The following CNTNAP4 variants were observed in gnomAD, a reference collection of about 807,000 sequenced individuals.
The protein encoded by CNTNAP4 is contactin associated protein family member 4, also known as contactin-associated protein-like 4.
In CNTNAP4, 98 loss-of-function variants were observed where a neutral mutation model predicts 148.4. The ratio of observed to expected loss-of-function variants is 0.66; its 90% CI spans 0.56 to 0.78. The LOEUF is 0.78. CNTNAP4 is among the 30% of genes least tolerant of loss of function. The pLI is 0.00. For synonymous variants in CNTNAP4, 730 were observed against 565.1 expected, an observed-to-expected ratio of 1.29 and a Z score of -4.14; for missense variants, 1,935 against 1,565.6, an observed-to-expected ratio of 1.24 and a Z score of -3.98.
At chr16:76,327,005 TGA>T (rs1963058667) in intron 2 of CNTNAP4, among the ~76,000 whole-genome samples, 1 of 152,090 alleles carries the variant, frequency 6.6e-6, no homozygotes, top group Non-Finnish European at 1.5e-5. Context: ...TTCACCCATA[TGA>T]GAGATGGTTA....
At chr16:76,290,647 C>T (rs910627444) in intron 1 of CNTNAP4, among the ~76,000 whole-genome samples, 2 of 152,194 alleles carry the variant, frequency 1.3e-5, no homozygotes, top group Non-Finnish European at 2.9e-5. Context: ...GAAAATCCAA[C>T]TCCTTTCTGC....
intron 2 of CNTNAP4, among the ~76,000 whole-genome samples, chr16:76,325,096 C>G (rs973194411): frequency 5.9e-5 from 9 of 152,276 alleles, no homozygotes; most frequent in South Asian, 2.1e-4. Context: ...CTGACATTTT[C>G]TGCACCAAAT....
chr16:76,409,542 C>T (rs1384876808), intron 3 of CNTNAP4, among the ~76,000 whole-genome samples: 2 of 151,808 alleles, frequency 1.3e-5, no homozygotes, highest in Non-Finnish European at 2.9e-5. Flanking sequence ...ATTACACTGG[C>T]TGAAGTATAA....
At chr16:76,387,159 C>T (rs1274657850) in intron 3 of CNTNAP4, among the ~76,000 whole-genome samples, 3 of 152,216 alleles carry the variant, frequency 2.0e-5, no homozygotes, top group Admixed American at 1.3e-4. Flanking sequence ...TTTTTACCCA[C>T]AAATTTTTGG....
chr16:76,351,381 T>A (rs2011732646), intron 2 of CNTNAP4, among the ~76,000 whole-genome samples: 1 of 151,930 alleles, frequency 6.6e-6, no homozygotes. Flanking sequence ...AAAAAAATTC[T>A]GCAAAGAATA....
chr16:76,552,280 G>C lies in CNTNAP4; in HGVS notation c.3443-1003G>C, dbSNP rs1015422769. 7.9e-5 allele frequency among the ~76,000 whole-genome samples: 12 copies of C among 152,218 alleles called. 1 individual carries two copies. The South Asian group carries it at 2.3e-3, about 29-fold the overall frequency. On this transcript the variant is annotated intron_variant, in intron 21 of 23. Transcript: ENST00000611870. ...CCACAGGGTCCCTCCCTTGACACGT[G>C]GGGATTATGGGGATTACAATTCAAG...
intron 1 of CNTNAP4, chr16:76,316,053 G>A: frequency 3.0e-6 from 1 of 338,076 alleles, no homozygotes; most frequent in African/African-American, 2.1e-5. Context: ...TCTCCATTTT[G>A]TGATTTTTCT....
intron 17 of CNTNAP4, among the ~76,000 whole-genome samples, chr16:76,523,006 C>G (rs1305063747): frequency 6.6e-6 from 1 of 152,002 alleles, no homozygotes; most frequent in African/African-American, 2.4e-5. Context: ...CTCAGGTGAT[C>G]CACCTGCCTC....
chr16:76,398,272 T>A (rs983699477), intron 3 of CNTNAP4, among the ~76,000 whole-genome samples: 1 of 151,868 alleles, frequency 6.6e-6, no homozygotes, highest in Non-Finnish European at 1.5e-5. Flanking sequence ...CCCAGTCCAC[T>A]GACTCAAATG....
At chr16:76,425,930 A>G (rs900119369) in intron 3 of CNTNAP4, among the ~76,000 whole-genome samples, 1 of 152,196 alleles carries the variant, frequency 6.6e-6, no homozygotes, top group Non-Finnish European at 1.5e-5. Context: ...AGAGGGGAAG[A>G]CATTGGGGGT....
At chr16:76,515,862 T>C (rs748240468) in intron 15 of CNTNAP4, among the ~76,000 whole-genome samples, 4 of 152,196 alleles carry the variant, frequency 2.6e-5, no homozygotes, top group Non-Finnish European at 5.9e-5. Context: ...GGATCACTCA[T>C]ACACTGCTGG....
chr16:76,481,007 G>C (rs948772507), intron 12 of CNTNAP4, among the ~76,000 whole-genome samples: 17 of 152,218 alleles, frequency 1.1e-4, no homozygotes, highest in Non-Finnish European at 2.4e-4. Flanking sequence ...ATACTGATTG[G>C]CTACGTAAAG....
chr16:76,497,780 C>T (rs1461883375), intron 14 of CNTNAP4, among the ~76,000 whole-genome samples: 4 of 151,860 alleles, frequency 2.6e-5, no homozygotes, highest in African/African-American at 4.8e-5. Context: ...TACCATGGCC[C>T]GTGTATACCT....
chr16:76,422,881 C>T (rs2145010895), intron 3 of CNTNAP4, among the ~76,000 whole-genome samples: 1 of 152,200 alleles, frequency 6.6e-6, no homozygotes, highest in South Asian at 2.1e-4. Flanking sequence ...TTGTTATGGT[C>T]CAAATATTTG....
intron 3 of CNTNAP4, among the ~76,000 whole-genome samples, chr16:76,402,369 T>C (rs1484193351): frequency 1.3e-5 from 2 of 152,052 alleles, no homozygotes; most frequent in Non-Finnish European, 2.9e-5. Flanking sequence ...GTGTTTTTTT[T>C]TTCTGTGAGG....
intron 2 of CNTNAP4, among the ~76,000 whole-genome samples, chr16:76,353,738 T>C (rs1471430918): frequency 6.6e-6 from 1 of 152,194 alleles, no homozygotes; most frequent in East Asian, 1.9e-4. Flanking sequence ...TGTGTGGTCC[T>C]GCCTGGCGTC....
intron 8 of CNTNAP4, among the ~76,000 whole-genome samples, chr16:76,460,200 C>T (rs1024522685): frequency 1.1e-4 from 17 of 151,974 alleles, no homozygotes; most frequent in African/African-American, 4.1e-4. Flanking sequence ...CTTTGCCTCC[C>T]AGGTTCGAGC....
rs1567830589 is a variant in CNTNAP4 at position 76,355,925 on chromosome 16, G to T, written c.390+414G>T. ...GAGTCTCACTCTGTCACCCAGGCTG[G>T]TTGCAGTGGCGCGATCTTGGCTCAC... On this transcript the variant is annotated intron_variant, in intron 3 of 23. Transcript: ENST00000611870. Among the ~76,000 whole-genome samples the T allele has an allele frequency of 2.7e-5, 4 of 150,588 alleles. No homozygotes were observed. In the South Asian group the frequency reaches 6.3e-4, roughly 24 times the overall value.
At chr16:76,342,495 T>G (rs151166090) in intron 2 of CNTNAP4, among the ~76,000 whole-genome samples, 1 of 125,622 alleles carries the variant, frequency 8.0e-6, no homozygotes. Flanking sequence ...TTTTTTGAGA[T>G]GGAGTCTTGC....
Sources: allele counts gnomAD v4.1 joint callset (sites outside exome capture counted in the v4.1 genomes callset), GRCh38; gene constraint gnomAD v4.1.1; transcripts MANE v1.5; gene names NCBI Gene and HGNC (gene_info 2026-07-23, HGNC 2026-07-21).